CYSLTR1: variants seen among roughly 807,000 people sequenced by gnomAD.
The protein encoded by CYSLTR1 is cysteinyl leukotriene receptor 1.
In CYSLTR1, 1 loss-of-function variant was observed where a neutral mutation model predicts 2.1. That is an observed-to-expected ratio of 0.48 (90% CI 0.17 to 2.28). CYSLTR1 has a LOEUF of 2.28. CYSLTR1 is among the 30% of genes most tolerant of loss of function. The probability of loss-of-function intolerance (pLI) is 0.26; values close to 1 mark genes in which losing one functional copy is unlikely to be tolerated. For missense variants in CYSLTR1, 299 were observed against 250.1 expected (o/e 1.20, Z -1.32); for synonymous variants, 110 against 89.6 (o/e 1.23, Z -1.28).
At chrX:78,314,819 A>G (rs1249725629) in intron 1 of CYSLTR1, among the ~76,000 whole-genome samples, 1 of 109,577 alleles carries the variant, frequency 9.1e-6, no homozygotes, top group Non-Finnish European at 1.9e-5. Flanking sequence ...GGGGCTCTAA[A>G]TAATCTTGAA....
intron 1 of CYSLTR1, among the ~76,000 whole-genome samples, chrX:78,309,890 A>G (rs1164086501): frequency 8.9e-6 from 1 of 112,096 alleles, no homozygotes; most frequent in Admixed American, 9.5e-5. Context: ...AAGCCTTTCA[A>G]TAGACACTGG....
intron 2 of CYSLTR1, among the ~76,000 whole-genome samples, chrX:78,279,353 G>A (rs926778152): frequency 7.2e-5 from 8 of 111,717 alleles, no homozygotes; most frequent in Non-Finnish European, 1.1e-4. Context: ...ACGAAAAAAT[G>A]CTCAACATCA....
At chrX:78,294,497 C>G (rs932276585) in intron 1 of CYSLTR1, among the ~76,000 whole-genome samples, 1 of 112,450 alleles carries the variant, frequency 8.9e-6, no homozygotes, top group South Asian at 3.6e-4. Flanking sequence ...CTGGGAGAAC[C>G]CCTGCTTTCT....
At chrX:78,318,250 C>A (rs1923501738) in intron 1 of CYSLTR1, among the ~76,000 whole-genome samples, 1 of 111,991 alleles carries the variant, frequency 8.9e-6, no homozygotes, top group Admixed American at 9.5e-5. Context: ...ATGGATGGAA[C>A]TGGAGCCCAT....
At chrX:78,305,558 CA>C (rs1360114997) in intron 1 of CYSLTR1, among the ~76,000 whole-genome samples, 2 of 111,408 alleles carry the variant, frequency 1.8e-5, no homozygotes, top group Non-Finnish European at 3.8e-5. Context: ...ATAGCAACAT[CA>C]AAATGGATAT....
intron 1 of CYSLTR1, among the ~76,000 whole-genome samples, chrX:78,298,755 A>G (rs1443637748): frequency 9.0e-6 from 1 of 110,741 alleles, no homozygotes; most frequent in African/African-American, 3.3e-5. Context: ...TTTTCTGTCT[A>G]TGTGTGCCTT....
chrX:78,312,778 C>G (rs187697588), intron 1 of CYSLTR1, among the ~76,000 whole-genome samples: 1 of 112,147 alleles, frequency 8.9e-6, no homozygotes, highest in African/African-American at 3.2e-5. Flanking sequence ...CATCTCATAA[C>G]AGTCAAAATG....
At chrX:78,308,278 T>A (rs1923098572) in intron 1 of CYSLTR1, among the ~76,000 whole-genome samples, 2 of 112,224 alleles carry the variant, frequency 1.8e-5, no homozygotes, top group South Asian at 7.3e-4. Context: ...ACGTGAAAAG[T>A]TATTAATTGA....
At chrX:78,307,159 G>A (rs781760057) in intron 1 of CYSLTR1, among the ~76,000 whole-genome samples, 1 of 111,945 alleles carries the variant, frequency 8.9e-6, no homozygotes, top group South Asian at 3.7e-4. Context: ...GTTTCTGTGG[G>A]TTGGGAGTTT....
intron 2 of CYSLTR1, among the ~76,000 whole-genome samples, chrX:78,274,481 G>C (rs968314345): frequency 1.8e-5 from 2 of 111,705 alleles, no homozygotes; most frequent in African/African-American, 6.5e-5. Flanking sequence ...AATGGGGAAA[G>C]GATTCCCTAT....
intron 2 of CYSLTR1, among the ~76,000 whole-genome samples, chrX:78,280,104 AC>A (rs962948077): frequency 3.6e-5 from 4 of 109,843 alleles, no homozygotes; most frequent in African/African-American, 1.3e-4. Flanking sequence ...AATCCTCCCC[AC>A]CCCCCAAAAT....
At chrX:78,282,308 A>T (rs1224659623) in intron 2 of CYSLTR1, among the ~76,000 whole-genome samples, 1 of 112,065 alleles carries the variant, frequency 8.9e-6, no homozygotes, top group Non-Finnish European at 1.9e-5. Flanking sequence ...AATGATTTGT[A>T]TATCTTATCT....
chrX:78,314,170 G>A (rs779829501), intron 1 of CYSLTR1, among the ~76,000 whole-genome samples: 2 of 111,452 alleles, frequency 1.8e-5, no homozygotes, highest in Non-Finnish European at 3.8e-5. Context: ...GTAAATAAAG[G>A]GTTAGAAAGG....
At chrX:78,278,445 A>G (rs953287992) in intron 2 of CYSLTR1, among the ~76,000 whole-genome samples, 2 of 112,144 alleles carry the variant, frequency 1.8e-5, no homozygotes, top group Non-Finnish European at 3.8e-5. Context: ...GAGAATTACA[A>G]AACACTGCTC....
chrX:78,320,802 A>T (rs1401086284), intron 1 of CYSLTR1: 3 of 111,320 alleles, frequency 2.7e-5, no homozygotes. Flanking sequence ...AGCGGTTTGT[A>T]GTTCTCCTTG....
intron 2 of CYSLTR1, among the ~76,000 whole-genome samples, chrX:78,276,263 G>T (rs969478462): frequency 8.9e-6 from 1 of 112,085 alleles, no homozygotes; most frequent in Non-Finnish European, 1.9e-5. Flanking sequence ...TGTAGAAGTA[G>T]TGATTTCTCT....
rs749165872 is a variant in CYSLTR1, at chrX:78,275,056, A to G, written c.-27-1283T>C. Among the ~76,000 whole-genome samples, 88 of 110,491 alleles carry G rather than the reference A, an allele frequency of 8.0e-4. 2 individuals carry two copies. In the South Asian group the frequency reaches 0.028, roughly 35 times the overall value. On this transcript the variant is annotated intron_variant, in intron 2 of 2. Transcript: ENST00000373304. ...ACCATCTCACACCAGTTAGAATGGC[A>G]ATCATTAAAAAGTCAGGAAACAACA...
intron 1 of CYSLTR1, 84 bp downstream of exon 1, chrX:78,327,221 C>T (rs976301498): frequency 1.8e-5 from 2 of 111,849 alleles, no homozygotes; most frequent in African/African-American, 6.5e-5. Flanking sequence ...TCCCCAAACT[C>T]CTGGGAATTT....
chrX:78,319,619 G>A (rs1352753847), intron 1 of CYSLTR1: 2 of 110,837 alleles, frequency 1.8e-5, no homozygotes. Flanking sequence ...TAATCCTTTG[G>A]GTATATACCC....
Sources: allele counts gnomAD v4.1 joint callset (sites outside exome capture counted in the v4.1 genomes callset), GRCh38; gene constraint gnomAD v4.1.1; transcripts MANE v1.5; gene names NCBI Gene and HGNC (gene_info 2026-07-23, HGNC 2026-07-21).